The following MAGI1 variants were observed in gnomAD, a reference collection of about 807,000 sequenced individuals.
MAGI1 encodes the protein membrane-associated guanylate kinase, WW and PDZ domain-containing protein 1.
In MAGI1, 58 loss-of-function variants were observed where a neutral mutation model predicts 139.9. The observed-to-expected ratio is 0.41, with a 90% CI of 0.34 to 0.52. MAGI1 has a LOEUF of 0.52. Among genes scored for constraint, MAGI1 ranks in the 20% least tolerant of loss-of-function variants. The pLI, the probability that MAGI1 is intolerant of heterozygous loss-of-function variation, is 0.12. For synonymous variants in MAGI1, 812 were observed against 737.9 expected, an observed-to-expected ratio of 1.10 and a Z score of -1.63; for missense variants, 1,874 against 1,901.6, an observed-to-expected ratio of 0.99 and a Z score of 0.27.
chr3:65,391,050 C>T (rs1943886645), intron 14 of MAGI1, 92 bp downstream of exon 14: 10 of 1,105,602 alleles, frequency 9.0e-6, no homozygotes, highest in African/African-American at 1.6e-5. Context: ...CCAGTTTACA[C>T]ACTGCAACTC....
At position 65,357,004 on chromosome 3, in the gene MAGI1, G is replaced by T. The variant is rs1456135034; in HGVS notation, c.3763C>A (p.Pro1255Thr). ...GCGTGTGCCCGCTTTTCCCCATGTGGTGATGATTTGTGAAGATCGGGTGGG... is the reference window on the plus strand; with the variant it reads ...GCGTGTGCCCGCTTTTCCCCATGTGTTGATGATTTGTGAAGATCGGGTGGG... The part of the protein sequence containing the change: ...SYPPDLHKSS[P>T]HGEKRAHARD... Residue 1255 changes from proline (P) to threonine (T), a missense_variant, in exon 23 of 23, where the codon CCA (proline) becomes ACA (threonine). Around this residue, in one of 5 missense-constraint regions of MAGI1, gnomAD observed 653 missense variants for 644.5 expected, o/e 1.01. Transcript: ENST00000402939. 1.2e-6 allele frequency: 2 copies of T among 1,614,198 alleles called. No homozygotes were observed. Among genetic ancestry groups the T allele is most frequent in the Non-Finnish European group, 1.7e-6 (2 of 1,180,030 alleles).
chr3:65,704,902 A>G (rs896071173), intron 1 of MAGI1, among the ~76,000 whole-genome samples: 9 of 151,798 alleles, frequency 5.9e-5, no homozygotes, highest in African/African-American at 1.2e-4. Context: ...AATAATCCCT[A>G]TTTTCCTTCT....
intron 1 of MAGI1, among the ~76,000 whole-genome samples, chr3:65,924,284 T>C (rs908514126): frequency 2.0e-5 from 3 of 152,184 alleles, no homozygotes; most frequent in African/African-American, 7.2e-5. Context: ...TTTCCACATA[T>C]CAAATTCTTG....
chr3:66,034,742 TA>T (rs982192518), intron 1 of MAGI1, among the ~76,000 whole-genome samples: 2 of 151,990 alleles, frequency 1.3e-5, no homozygotes, highest in African/African-American at 2.4e-5. Context: ...TACTTAGCAA[TA>T]AAAAAAGAAC....
intron 1 of MAGI1, among the ~76,000 whole-genome samples, chr3:65,977,851 C>T (rs928653943): frequency 4.6e-5 from 7 of 152,114 alleles, no homozygotes; most frequent in African/African-American, 1.7e-4. Context: ...CGTTCTTTGC[C>T]GCCTCGGTGA....
At chr3:65,390,756 T>A (rs1245258270) in intron 14 of MAGI1, among the ~76,000 whole-genome samples, 1 of 152,232 alleles carries the variant, frequency 6.6e-6, no homozygotes, top group Admixed American at 6.5e-5. Flanking sequence ...TTTCTTCTCA[T>A]TAGCCCAAAA....
chr3:65,437,057 T>G (rs1272977373), intron 10 of MAGI1, 98 bp downstream of exon 10: 1 of 647,886 alleles, frequency 1.5e-6, no homozygotes, highest in Non-Finnish European at 2.6e-6. Flanking sequence ...ATCAAAGGAA[T>G]GACTTGGGAG....
chr3:65,931,607 T>C (rs1210759705), intron 1 of MAGI1, among the ~76,000 whole-genome samples: 2 of 152,194 alleles, frequency 1.3e-5, no homozygotes, highest in Non-Finnish European at 2.9e-5. Context: ...AAGGTTGCAG[T>C]GGGCCGAGAT....
At chr3:66,023,670 A>G (rs945618621) in intron 1 of MAGI1, among the ~76,000 whole-genome samples, 2 of 152,224 alleles carry the variant, frequency 1.3e-5, no homozygotes, top group African/African-American at 4.8e-5. Context: ...TCTATAGAAA[A>G]GTCCAAACAA....
intron 1 of MAGI1, among the ~76,000 whole-genome samples, chr3:65,986,883 T>G (rs1353723637): frequency 1.3e-5 from 2 of 151,826 alleles, no homozygotes; most frequent in Admixed American, 1.3e-4. Flanking sequence ...TTTTTTTTTT[T>G]TTTTTGAGAC....
chr3:65,775,874 T>A (rs1335234601), intron 1 of MAGI1, among the ~76,000 whole-genome samples: 1 of 151,172 alleles, frequency 6.6e-6, no homozygotes. Context: ...CCTGGGAAGC[T>A]GAGGCTGCAC....
At chr3:65,614,899 G>C (rs1038338004) in intron 2 of MAGI1, among the ~76,000 whole-genome samples, 4 of 151,988 alleles carry the variant, frequency 2.6e-5, no homozygotes, top group Non-Finnish European at 4.4e-5. Flanking sequence ...GCATGTGTCT[G>C]TAGTCCCAGC....
chr3:65,942,616 T>C (rs1302743229), intron 1 of MAGI1, among the ~76,000 whole-genome samples: 1 of 152,230 alleles, frequency 6.6e-6, no homozygotes, highest in Admixed American at 6.5e-5. Flanking sequence ...AAGTATATCA[T>C]ACAGAATGTT....
At chr3:65,429,319 A>G (rs538133026) in intron 12 of MAGI1, among the ~76,000 whole-genome samples, 2 of 152,244 alleles carry the variant, frequency 1.3e-5, no homozygotes, top group African/African-American at 4.8e-5. Context: ...GTTTTAAGGT[A>G]TCATTCTAAC....
intron 1 of MAGI1, among the ~76,000 whole-genome samples, chr3:65,641,402 T>C (rs897546245): frequency 6.6e-6 from 1 of 152,158 alleles, no homozygotes; most frequent in Non-Finnish European, 1.5e-5. Flanking sequence ...ATTCAGAATC[T>C]ATAGGGAAGG....
At chr3:65,735,197 G>C (rs975393806) in intron 1 of MAGI1, among the ~76,000 whole-genome samples, 1 of 151,220 alleles carries the variant, frequency 6.6e-6, no homozygotes, top group Non-Finnish European at 1.5e-5. Context: ...TCTTGAAAAT[G>C]AATGAATAAG....
At chr3:65,762,797 T>C (rs2037144522) in intron 1 of MAGI1, among the ~76,000 whole-genome samples, 1 of 152,116 alleles carries the variant, frequency 6.6e-6, no homozygotes, top group Non-Finnish European at 1.5e-5. Context: ...CCTCAGAAAT[T>C]GAGTATCTCA....
In MAGI1 at chr3:65,472,118, T is replaced by C. The variant is rs1453606736; in HGVS notation, c.758-1634A>G. Among the ~76,000 whole-genome samples the C allele has an allele frequency of 4.6e-5, 7 of 152,256 alleles. No homozygotes were observed. In the East Asian group the frequency reaches 1.4e-3, roughly 29 times the overall value. The stretch of plus-strand genomic sequence containing the variant: ...GCAACTTGCACCCAAGAGTGCAGAT[T>C]AATAGATCAACTATAAGTAAGGGAA... On this transcript the variant is annotated intron_variant, in intron 4 of 22. Transcript: ENST00000402939.
At chr3:65,854,922 A>T (rs916902812) in intron 1 of MAGI1, among the ~76,000 whole-genome samples, 8 of 152,246 alleles carry the variant, frequency 5.3e-5, no homozygotes, top group Admixed American at 1.3e-4. Context: ...GCATCCCCTA[A>T]TCAAGGGCTG....
Sources: gnomAD v4.1 joint callset for allele counts (sites outside exome capture counted in the v4.1 genomes callset) on GRCh38, gnomAD v4.1.1 for gene constraint, gnomAD v4.1.1 regional missense constraint, MANE v1.5 for transcripts, NCBI Gene and HGNC (gene_info 2026-07-23, HGNC 2026-07-21) for gene names.